The following RGS20 variants were observed in gnomAD, a reference collection of about 807,000 sequenced individuals.
RGS20 encodes gz-selective GTPase-activating protein.
A neutral mutation model predicts 33.6 loss-of-function variants in RGS20; 30 were observed. That is an observed-to-expected ratio of 0.89 (90% confidence interval 0.67 to 1.21). The LOEUF is 1.21. Among genes scored for constraint, RGS20 ranks in the 50% most tolerant of loss-of-function variants. RGS20 has a pLI of 0.00. For missense variants in RGS20, 472 were observed against 502.4 expected (o/e 0.94, Z 0.58); for synonymous variants, 208 against 197.9 (o/e 1.05, Z -0.43).
At chr8:53,949,316 A>G (rs1047837466) in intron 4 of RGS20, among the ~76,000 whole-genome samples, 17 of 147,918 alleles carry the variant, frequency 1.1e-4, no homozygotes, top group African/African-American at 3.9e-4. Flanking sequence ...GATACAGTAT[A>G]TATATTTATT....
intron 2 of RGS20, chr8:53,879,648 G>A: frequency 7.3e-7 from 1 of 1,369,442 alleles, no homozygotes; most frequent in African/African-American, 1.5e-5. Flanking sequence ...GCCTCCCCAG[G>A]ACACCAGCCT....
At chr8:53,909,242 T>C (rs1387241714) in intron 2 of RGS20, among the ~76,000 whole-genome samples, 4 of 133,760 alleles carry the variant, frequency 3.0e-5, no homozygotes, top group African/African-American at 8.7e-5. Flanking sequence ...TATATATATA[T>C]ATATATATAT....
At chr8:53,949,887 T>C (rs1342365876) in intron 4 of RGS20, among the ~76,000 whole-genome samples, 1 of 150,876 alleles carries the variant, frequency 6.6e-6, no homozygotes, top group African/African-American at 2.4e-5. Flanking sequence ...TCACCCAGGC[T>C]GGAGTACAGT....
intron 1 of RGS20, among the ~76,000 whole-genome samples, chr8:53,863,845 G>C (rs1811862447): frequency 6.7e-6 from 1 of 149,344 alleles, no homozygotes; most frequent in African/African-American, 2.5e-5. Context: ...TCCTGTCTCA[G>C]CCTCCCAAGT....
Position 53,855,027 on chromosome 8 carries a change from G to A in RGS20, c.165+2963G>A, listed in dbSNP as rs1262754053. ...GGGGAGAAAAAGCCAATTCCAAAAAGTCACACACTATATATATGTGTATGA... is the reference window on the plus strand; with the variant it reads ...GGGGAGAAAAAGCCAATTCCAAAAAATCACACACTATATATATGTGTATGA... On this transcript the variant is annotated intron_variant, in intron 1 of 5. Transcript: ENST00000297313. Among the ~76,000 whole-genome samples, 8 of 152,178 alleles carry A rather than the reference G, an allele frequency of 5.3e-5. No homozygotes were observed. The South Asian group carries it at 1.5e-3, about 28-fold the overall frequency.
intron 2 of RGS20, among the ~76,000 whole-genome samples, chr8:53,889,434 TTTTTTTTTTTTTTTTTTG>T (rs1812647000): frequency 8.1e-6 from 1 of 122,758 alleles, no homozygotes; most frequent in Non-Finnish European, 1.7e-5. Flanking sequence ...TTTTTTTTTT[TTTTTTTTTTTTTTTTTTG>T]AGACAGGGTC....
chr8:53,897,229 T>G (rs952930044), intron 2 of RGS20, among the ~76,000 whole-genome samples: 2 of 152,214 alleles, frequency 1.3e-5, no homozygotes, highest in Non-Finnish European at 2.9e-5. Flanking sequence ...TCAGCAAATA[T>G]TCATCCAGGC....
At chr8:53,948,173 T>C (rs1445918597) in intron 4 of RGS20, among the ~76,000 whole-genome samples, 1 of 135,762 alleles carries the variant, frequency 7.4e-6, no homozygotes, top group Non-Finnish European at 1.5e-5. Flanking sequence ...ATATGCTATA[T>C]ATATGATATA....
chr8:53,890,820 T>C (rs1469104978), intron 2 of RGS20, among the ~76,000 whole-genome samples: 1 of 152,198 alleles, frequency 6.6e-6, no homozygotes, highest in South Asian at 2.1e-4. Flanking sequence ...TTTGTAGAGA[T>C]GGGGTCTCGC....
At chr8:53,900,440 C>G (rs1261448063) in intron 2 of RGS20, among the ~76,000 whole-genome samples, 1 of 152,098 alleles carries the variant, frequency 6.6e-6, no homozygotes, top group African/African-American at 2.4e-5. Context: ...CTGTACCCAG[C>G]CTTGTTTACA....
intron 1 of RGS20, among the ~76,000 whole-genome samples, chr8:53,871,643 T>G (rs1172705728): frequency 6.6e-6 from 1 of 150,752 alleles, no homozygotes. Flanking sequence ...TAATAATAAT[T>G]ACAACAGCTT....
At chr8:53,870,598 T>C (rs1022547493) in intron 1 of RGS20, among the ~76,000 whole-genome samples, 3 of 152,148 alleles carry the variant, frequency 2.0e-5, no homozygotes, top group African/African-American at 4.8e-5. Context: ...AATTTCCCCT[T>C]CCTTTGTTGA....
intron 2 of RGS20, among the ~76,000 whole-genome samples, chr8:53,921,985 G>A (rs971608036): frequency 1.3e-5 from 2 of 152,078 alleles, no homozygotes; most frequent in African/African-American, 2.4e-5. Context: ...TGATGCAGGT[G>A]GAGTGCTCTA....
intron 3 of RGS20, among the ~76,000 whole-genome samples, chr8:53,940,774 G>A (rs1037978589): frequency 1.3e-5 from 2 of 152,224 alleles, no homozygotes; most frequent in Non-Finnish European, 2.9e-5. Context: ...CAAGAGCTAG[G>A]CAGTGTCAAG....
chr8:53,917,581 A>T (rs1329600990), intron 2 of RGS20, among the ~76,000 whole-genome samples: 1 of 152,246 alleles, frequency 6.6e-6, no homozygotes, highest in Non-Finnish European at 1.5e-5. Context: ...GCATTGAGAT[A>T]AAATTTACAC....
intron 2 of RGS20, among the ~76,000 whole-genome samples, chr8:53,896,447 G>A (rs945777286): frequency 6.6e-6 from 1 of 152,200 alleles, no homozygotes; most frequent in African/African-American, 2.4e-5. Context: ...CAGGAGGCCT[G>A]CAAAGTGTGC....
chr8:53,878,047 G>A (rs1812247502), intron 1 of RGS20, among the ~76,000 whole-genome samples: 1 of 152,196 alleles, frequency 6.6e-6, no homozygotes, highest in Non-Finnish European at 1.5e-5. Flanking sequence ...GCCCAACCCA[G>A]AACACCCGCG....
chr8:53,889,387 T>C (rs1186064188), intron 2 of RGS20, among the ~76,000 whole-genome samples: 1 of 139,406 alleles, frequency 7.2e-6, no homozygotes, highest in Non-Finnish European at 1.5e-5. Flanking sequence ...TTTTTCTTTT[T>C]CTTTCTTTCT....
chr8:53,865,452 G>C (rs1164996130), intron 1 of RGS20, among the ~76,000 whole-genome samples: 1 of 152,218 alleles, frequency 6.6e-6, no homozygotes, highest in Non-Finnish European at 1.5e-5. Context: ...AAAAGTGTTA[G>C]ACATAATAGC....
Sources: allele counts gnomAD v4.1 joint callset (sites outside exome capture counted in the v4.1 genomes callset), GRCh38; gene constraint gnomAD v4.1.1; transcripts MANE v1.5; gene names NCBI Gene and HGNC (gene_info 2026-07-23, HGNC 2026-07-21).